The following ATR variants were observed in gnomAD, a reference collection of about 807,000 sequenced individuals.
ATR encodes the protein serine/threonine-protein kinase ATR.
ATR carries 142 observed loss-of-function variants against 305.3 expected under a neutral mutation model. The observed-to-expected ratio is 0.47, with a 90% confidence interval of 0.41 to 0.53. ATR has a LOEUF of 0.53. ATR is among the 20% of genes least tolerant of loss of function. The pLI, the probability that ATR is intolerant of heterozygous loss-of-function variation, is 0.00. For synonymous variants in ATR, 1,050 were observed against 1,068.1 expected, an observed-to-expected ratio of 0.98 and a Z score of 0.33; for missense variants, 2,135 against 3,133.1, an observed-to-expected ratio of 0.68 and a Z score of 7.60.
At chr3:142,513,456 G>GT (rs2032685664) in intron 26 of ATR, 45 bp downstream of exon 26, 1 of 1,600,012 alleles carries the variant, frequency 6.2e-7, no homozygotes, top group Admixed American at 1.7e-5. Context: ...ATTGGAGAAA[G>GT]TAAGTTTCAC....
intron 42 of ATR, among the ~76,000 whole-genome samples, chr3:142,459,618 CTGTGTGG>C (rs1187733617): frequency 6.6e-6 from 1 of 152,150 alleles, no homozygotes; most frequent in Admixed American, 6.5e-5. Context: ...TGAGTTTGAA[CTGTGTGG>C]GTCCACTTAC....
At chr3:142,530,432 T>C (rs933035623) in intron 21 of ATR, among the ~76,000 whole-genome samples, 1 of 152,178 alleles carries the variant, frequency 6.6e-6, no homozygotes, top group Non-Finnish European at 1.5e-5. Flanking sequence ...ACAGACTTTA[T>C]TTTCATTTTC....
At chr3:142,546,578 T>G (rs760875444) in intron 16 of ATR, among the ~76,000 whole-genome samples, 2 of 151,940 alleles carry the variant, frequency 1.3e-5, no homozygotes, top group Admixed American at 6.5e-5. Flanking sequence ...GAATGATGAC[T>G]GAGAAAAAAG....
Position 142,458,625 on chromosome 3 carries a change from G to A in ATR, c.7503+333C>T, listed in dbSNP as rs181018340. On this transcript the variant is annotated intron_variant, in intron 44 of 46. Coordinates refer to ENST00000350721, the MANE Select transcript of ATR (RefSeq NM_001184.4). ...TATGTTGCTAGAATTGGAAACTATC[G>A]TATTAAACTACTCTGTCTCTCTAAA... Among the ~76,000 whole-genome samples, 41 of 152,020 alleles carry A rather than the reference G, an allele frequency of 2.7e-4. 1 individual carries two copies. The South Asian group carries it at 2.9e-3, about 11-fold the overall frequency.
chr3:142,505,324 A>T (rs1467446699), intron 28 of ATR, 21 bp from the exon 29 acceptor site: 1 of 1,611,298 alleles, frequency 6.2e-7, no homozygotes, highest in African/African-American at 1.3e-5. Context: ...TGATTAAAAA[A>T]CAATCAAAAA....
Position 142,493,130 on chromosome 3 carries a change from G to A in ATR, c.6078+2C>T. ...CTGAAACTGCATTATACATATACTT[G>A]CCTTATATTTTTTCATAATTGCATT... On this transcript the variant is annotated splice_donor_variant, in intron 35 of 46. Coordinates refer to ENST00000350721, the MANE Select transcript of ATR (RefSeq NM_001184.4). LOFTEE classifies it low-confidence loss of function (GC_TO_GT_DONOR). The A allele has an allele frequency of 6.2e-7, 1 of 1,613,196 alleles. No individual in the cohort carries two copies. The highest frequency in any genetic ancestry group is 1.1e-5 in the South Asian group (1 of 90,952).
intron 30 of ATR, 90 bp downstream of exon 30, chr3:142,503,272 C>A: frequency 1.1e-6 from 1 of 897,808 alleles, no homozygotes; most frequent in South Asian, 1.5e-5. Context: ...ACATTTATTA[C>A]TCTACTAAAC....
chr3:142,473,522 G>A (rs373690585), intron 36 of ATR, among the ~76,000 whole-genome samples: 3 of 151,664 alleles, frequency 2.0e-5, no homozygotes, highest in East Asian at 3.9e-4. Flanking sequence ...TTGAAGTCAG[G>A]TAGTGTGATG....
chr3:142,572,180 C>T (rs1338414162), intron 1 of ATR, among the ~76,000 whole-genome samples: 4 of 152,028 alleles, frequency 2.6e-5, no homozygotes, highest in African/African-American at 7.2e-5. Context: ...AGTGATTCTC[C>T]TGCCTCAGCC....
chr3:142,574,757 ACT>A (rs1342181686), intron 1 of ATR, among the ~76,000 whole-genome samples: 3 of 152,158 alleles, frequency 2.0e-5, no homozygotes, highest in Non-Finnish European at 2.9e-5. Context: ...ACAAAGGGAC[ACT>A]CAGCCCTGAG....
At chr3:142,511,139 T>A (rs1201822539) in intron 27 of ATR, among the ~76,000 whole-genome samples, 1 of 151,964 alleles carries the variant, frequency 6.6e-6, no homozygotes, top group East Asian at 1.9e-4. Context: ...AAAACTTAAA[T>A]GTGAAAAAGA....
chr3:142,560,054 C>T (rs2034820139), intron 6 of ATR, among the ~76,000 whole-genome samples: 1 of 152,210 alleles, frequency 6.6e-6, no homozygotes, highest in Admixed American at 6.5e-5. Context: ...ATAGCCTTTA[C>T]CTTACAGGAC....
At chr3:142,499,498 G>C (rs1186080885) in intron 31 of ATR, 129 bp downstream of exon 31, 1 of 799,248 alleles carries the variant, frequency 1.3e-6, no homozygotes, top group Non-Finnish European at 2.1e-6. Context: ...GTTTCACTGT[G>C]TTAGCCAGGA....
chr3:142,561,541 C>A (rs908647299), intron 4 of ATR, 120 bp from the exon 5 acceptor site: 18 of 1,021,174 alleles, frequency 1.8e-5, no homozygotes, highest in Non-Finnish European at 1.4e-5. Context: ...TTTAGAGTCT[C>A]ATAAAGCAAA....
chr3:142,527,544 C>T (rs1463655540), intron 21 of ATR, among the ~76,000 whole-genome samples: 5 of 152,094 alleles, frequency 3.3e-5, no homozygotes, highest in African/African-American at 1.2e-4. Flanking sequence ...TATGTTTCAA[C>T]AGTTTATTAT....
chr3:142,524,120 C>A lies in ATR; in HGVS notation c.4025G>T (p.Gly1342Val). The change falls in exon 22 of 47, where the codon GGT becomes GTT. Residue 1342 changes from glycine (G) to valine (V), a missense_variant. By Grantham distance (109) the Gly-to-Val change is moderately radical (BLOSUM62 -3). Transcript: ENST00000350721. ...AGCTTGAGAGTTTGCATCTTGGCAA[C>A]CTTTCAAAAGCACTGTCACCAACTG... is the stretch of plus-strand genomic sequence containing the variant. Reference protein sequence around the residue: ...ISQLVTVLLKGCQDANSQARL... With the variant: ...ISQLVTVLLKVCQDANSQARL... The A allele has an allele frequency of 6.2e-7, 1 of 1,614,082 alleles. No individual in the cohort carries two copies. The highest frequency in any genetic ancestry group is 2.2e-5 in the East Asian group (1 of 44,870).
chr3:142,548,649 A>C (rs1044904089), intron 15 of ATR, among the ~76,000 whole-genome samples: 1 of 151,292 alleles, frequency 6.6e-6, no homozygotes, highest in African/African-American at 2.4e-5. Flanking sequence ...AGCCTGGGCT[A>C]CAGAGCAAAA....
intron 45 of ATR, among the ~76,000 whole-genome samples, chr3:142,453,979 C>G (rs979629075): frequency 3.3e-5 from 5 of 152,220 alleles, no homozygotes; most frequent in Non-Finnish European, 5.9e-5. Flanking sequence ...TTCTACAGTA[C>G]AAATCAGATT....
chr3:142,569,142 C>T (rs1204309813), intron 1 of ATR, among the ~76,000 whole-genome samples: 1 of 152,142 alleles, frequency 6.6e-6, no homozygotes, highest in Non-Finnish European at 1.5e-5. Flanking sequence ...GCCTATGGAC[C>T]AATTAGCATT....
Sources: gnomAD v4.1 joint callset for allele counts (sites outside exome capture counted in the v4.1 genomes callset) on GRCh38, gnomAD v4.1.1 for gene constraint, MANE v1.5 for transcripts, NCBI Gene and HGNC (gene_info 2026-07-23, HGNC 2026-07-21) for gene names.